Variants in PRKCA observed in about 807,000 individuals in gnomAD.
The protein encoded by PRKCA is protein kinase C alpha type.
A neutral mutation model predicts 87.0 loss-of-function variants in PRKCA; 27 were observed. The observed-to-expected ratio is 0.31, with a 90% CI of 0.23 to 0.43. The LOEUF is 0.43. Among genes scored for constraint, PRKCA ranks in the 20% least tolerant of loss-of-function variants. PRKCA has a pLI of 1.00. For missense variants in PRKCA, 518 were observed against 852.3 expected (o/e 0.61, Z 4.88); for synonymous variants, 329 against 311.1 (o/e 1.06, Z -0.61).
At chr17:66,536,249 C>G (rs890670570) in intron 3 of PRKCA, among the ~76,000 whole-genome samples, 6 of 152,236 alleles carry the variant, frequency 3.9e-5, no homozygotes, top group African/African-American at 1.4e-4. Context: ...GTGACTAGAA[C>G]TTTCCTGGTG....
In PRKCA at chr17:66,773,969, G is replaced by A. The variant is rs1177912497; in HGVS notation, c.1525-18G>A. The stretch of plus-strand genomic sequence containing the variant: ...TGGACTTACCACTAATGTAATTGAT[G>A]TGTTTGTTTTCACACAGATAATCGC... On this transcript the variant is annotated intron_variant, in intron 13 of 16. Transcript: ENST00000413366. 6.2e-7 allele frequency: 1 copy of A among 1,613,792 alleles called. No individual in the cohort carries two copies. Among genetic ancestry groups the A allele is most frequent in the Non-Finnish European group, 8.5e-7 (1 of 1,179,814 alleles).
intron 13 of PRKCA, among the ~76,000 whole-genome samples, chr17:66,765,524 T>TTA (rs1191720601): frequency 9.0e-5 from 13 of 143,882 alleles, no homozygotes; most frequent in Middle Eastern, 3.6e-3. Context: ...ATATTTGTCT[T>TTA]TATATATATA....
chr17:66,793,500 G>A (rs1178670900), intron 16 of PRKCA, among the ~76,000 whole-genome samples: 1 of 147,422 alleles, frequency 6.8e-6, no homozygotes, highest in Non-Finnish European at 1.5e-5. Context: ...TGAGACAGGA[G>A]AATCGCTTGA....
At position 66,808,087 on chromosome 17, in the gene PRKCA, A is replaced by T. The variant is rs1368143629; in HGVS notation, c.*4050A>T. ...TGCTAGAAGCCCCTTTCCCCTCCCCACCTTGAAGTAGCTCATAGTTCTCTG... is the reference window on the plus strand; with the variant it reads ...TGCTAGAAGCCCCTTTCCCCTCCCCTCCTTGAAGTAGCTCATAGTTCTCTG... On this transcript the variant is annotated 3_prime_UTR_variant, in exon 17 of 17. Coordinates refer to ENST00000413366, the MANE Select transcript of PRKCA (RefSeq NM_002737.3). 6.6e-6 allele frequency: 1 copy of T among 151,862 alleles called. No homozygotes were observed. The highest frequency in any genetic ancestry group is 1.5e-5 in the Non-Finnish European group (1 of 68,022). 9.4% of individuals were successfully genotyped at this position (151,862 alleles called of 1,614,324 possible). A position where few individuals can be genotyped will look rare whatever the true frequency, so the allele number is the denominator to read the frequency against.
At chr17:66,419,557 T>C (rs1254476068) in intron 2 of PRKCA, among the ~76,000 whole-genome samples, 1 of 152,204 alleles carries the variant, frequency 6.6e-6, no homozygotes, top group Non-Finnish European at 1.5e-5. Flanking sequence ...TCTTAGTATA[T>C]TATAAATTGT....
intron 3 of PRKCA, among the ~76,000 whole-genome samples, chr17:66,637,854 C>A (rs1971186299): frequency 6.6e-6 from 1 of 152,160 alleles, no homozygotes; most frequent in Admixed American, 6.5e-5. Flanking sequence ...AAGTACTATG[C>A]CTTTCTAACA....
intron 14 of PRKCA, chr17:66,775,008 C>G (rs1346002962): frequency 2.0e-6 from 2 of 985,424 alleles, no homozygotes; most frequent in East Asian, 1.1e-4. Context: ...CAGGGTGAAT[C>G]GTACTATCTG....
chr17:66,779,139 A>G (rs1975139755), intron 14 of PRKCA, among the ~76,000 whole-genome samples: 1 of 152,230 alleles, frequency 6.6e-6, no homozygotes, highest in Non-Finnish European at 1.5e-5. Context: ...AGATGTTGTT[A>G]TTGAAAAGTA....
At chr17:66,359,417 AACTGGT>A (rs1480106310) in intron 2 of PRKCA, among the ~76,000 whole-genome samples, 1 of 152,202 alleles carries the variant, frequency 6.6e-6, no homozygotes, top group Non-Finnish European at 1.5e-5. Flanking sequence ...ATACACAGAA[AACTGGT>A]TTTCCTGCCT....
intron 2 of PRKCA, among the ~76,000 whole-genome samples, chr17:66,338,206 A>C (rs1906824174): frequency 6.6e-6 from 1 of 152,036 alleles, no homozygotes; most frequent in Non-Finnish European, 1.5e-5. Context: ...ACCATGCTTG[A>C]GGCTGCCATG....
chr17:66,595,995 G>A (rs147259169), intron 3 of PRKCA, among the ~76,000 whole-genome samples: 1 of 152,344 alleles, frequency 6.6e-6, no homozygotes, highest in Non-Finnish European at 1.5e-5. Flanking sequence ...AAAGAGAGCT[G>A]GCTCATCCTG....
At chr17:66,736,819 C>T (rs549228084) in intron 10 of PRKCA, among the ~76,000 whole-genome samples, 1 of 152,266 alleles carries the variant, frequency 6.6e-6, no homozygotes, top group South Asian at 2.1e-4. Context: ...CCATAAACAG[C>T]TGTTTTGGGA....
chr17:66,730,529 C>A (rs1191778241), intron 8 of PRKCA, among the ~76,000 whole-genome samples: 1 of 152,154 alleles, frequency 6.6e-6, no homozygotes, highest in East Asian at 1.9e-4. Context: ...ACTGAGGATT[C>A]CCCTTTCACA....
At chr17:66,682,964 C>T (rs1001471744) in intron 5 of PRKCA, among the ~76,000 whole-genome samples, 4 of 152,186 alleles carry the variant, frequency 2.6e-5, no homozygotes, top group African/African-American at 2.4e-5. Context: ...GAGGTGATTT[C>T]TGAAGGTACT....
chr17:66,359,964 T>G (rs2143473308), intron 2 of PRKCA, among the ~76,000 whole-genome samples: 1 of 152,300 alleles, frequency 6.6e-6, no homozygotes, highest in African/African-American at 2.4e-5. Flanking sequence ...TTTAGCTCTG[T>G]TTTTATCACT....
chr17:66,668,316 G>C (rs140254027), intron 5 of PRKCA, among the ~76,000 whole-genome samples: 1 of 152,352 alleles, frequency 6.6e-6, no homozygotes. Flanking sequence ...CTGAGGGTTA[G>C]CAGCTCTGCA....
chr17:66,756,353 G>A (rs1056084096), intron 13 of PRKCA, among the ~76,000 whole-genome samples: 3 of 151,962 alleles, frequency 2.0e-5, no homozygotes, highest in Admixed American at 6.6e-5. Context: ...AAGAGGAGAG[G>A]GGGGAGACCA....
chr17:66,397,757 G>C (rs1910776759), intron 2 of PRKCA, among the ~76,000 whole-genome samples: 1 of 152,098 alleles, frequency 6.6e-6, no homozygotes, highest in South Asian at 2.1e-4. Flanking sequence ...GGGGGTGTGA[G>C]CCATTCAAGG....
At chr17:66,399,620 C>G (rs546999873) in intron 2 of PRKCA, among the ~76,000 whole-genome samples, 1 of 152,304 alleles carries the variant, frequency 6.6e-6, no homozygotes, top group Admixed American at 6.5e-5. Flanking sequence ...TTGGTTTCCT[C>G]TTCCTCCTAG....
Sources: allele counts gnomAD v4.1 joint callset (sites outside exome capture counted in the v4.1 genomes callset), GRCh38; gene constraint gnomAD v4.1.1; transcripts MANE v1.5; gene names NCBI Gene and HGNC (gene_info 2026-07-23, HGNC 2026-07-21).